The following PCDH11X variants were observed in gnomAD, a reference collection of about 807,000 sequenced individuals.
PCDH11X encodes protocadherin 11 X-linked.
In PCDH11X, 18 loss-of-function variants were observed where a neutral mutation model predicts 53.3. That is an observed-to-expected ratio of 0.34 (90% CI 0.23 to 0.50). The LOEUF (loss-of-function observed/expected upper bound fraction) is 0.50, where lower values mean the gene tolerates loss of function less well. Among genes scored for constraint, PCDH11X ranks in the 20% least tolerant of loss-of-function variants. The probability of loss-of-function intolerance (pLI) is 0.98; values close to 1 mark genes in which losing one functional copy is unlikely to be tolerated. For missense variants in PCDH11X, 570 were observed against 1,032.4 expected, an observed-to-expected ratio of 0.55 and a Z score of 6.14; for synonymous variants, 279 against 393.3, an observed-to-expected ratio of 0.71 and a Z score of 3.44.
chrX:91,788,223 G>T (rs1935398511), intron 1 of PCDH11X, among the ~76,000 whole-genome samples: 1 of 111,218 alleles, frequency 9.0e-6, no homozygotes, highest in Admixed American at 9.5e-5. Flanking sequence ...AAACTTGTTT[G>T]TTTTTTGTTG....
chrX:92,004,363 A>C, intron 6 of PCDH11X, among the ~76,000 whole-genome samples: 1 of 111,121 alleles, frequency 9.0e-6, no homozygotes, highest in African/African-American at 3.3e-5. Flanking sequence ...TATAGTCGTT[A>C]GATGAAATGT....
At chrX:92,565,973 C>T (rs1921424955) in intron 10 of PCDH11X, among the ~76,000 whole-genome samples, 1 of 108,383 alleles carries the variant, frequency 9.2e-6, no homozygotes, top group Admixed American at 9.9e-5. Flanking sequence ...TTCATATTAA[C>T]CAAGGGTGGA....
intron 6 of PCDH11X, among the ~76,000 whole-genome samples, chrX:92,160,772 C>T (rs1400998490): frequency 2.8e-5 from 3 of 108,780 alleles, no homozygotes; most frequent in Non-Finnish European, 5.7e-5. Context: ...AATAGTTGTA[C>T]TAGTTTACAT....
intron 8 of PCDH11X, among the ~76,000 whole-genome samples, chrX:92,268,482 G>C (rs746231687): frequency 9.1e-6 from 1 of 110,457 alleles, no homozygotes; most frequent in African/African-American, 3.3e-5. Context: ...TAGTAGAGAC[G>C]GGGTTTCACC....
At chrX:92,430,034 T>G (rs1442886569) in intron 9 of PCDH11X, among the ~76,000 whole-genome samples, 1 of 108,444 alleles carries the variant, frequency 9.2e-6, no homozygotes, top group Non-Finnish European at 1.9e-5. Context: ...GGGTTAAAAT[T>G]AATAAACTTG....
intron 6 of PCDH11X, among the ~76,000 whole-genome samples, chrX:92,200,566 A>G (rs894383532): frequency 8.9e-6 from 1 of 112,641 alleles, no homozygotes; most frequent in Non-Finnish European, 1.9e-5. Flanking sequence ...GCTTCCTTAC[A>G]TAAGTAACAA....
intron 6 of PCDH11X, among the ~76,000 whole-genome samples, chrX:92,122,806 G>A (rs1486741613): frequency 1.8e-5 from 2 of 110,183 alleles, no homozygotes; most frequent in African/African-American, 3.3e-5. Flanking sequence ...GAATGGTGGC[G>A]GGCACCTGTA....
chrX:91,821,900 T>C (rs1375410525), intron 4 of PCDH11X, among the ~76,000 whole-genome samples: 1 of 98,543 alleles, frequency 1.0e-5, no homozygotes, highest in Non-Finnish European at 1.9e-5. Context: ...TTGAATTTTG[T>C]CAAAGGCCTT....
chrX:91,949,226 G>T (rs1174892955), intron 6 of PCDH11X, among the ~76,000 whole-genome samples: 1 of 109,125 alleles, frequency 9.2e-6, no homozygotes, highest in Non-Finnish European at 1.9e-5. Context: ...TTATCTCAAG[G>T]AAGATTCTGA....
chrX:92,201,067 A>C (rs1390662441), intron 6 of PCDH11X, among the ~76,000 whole-genome samples: 2 of 110,873 alleles, frequency 1.8e-5, no homozygotes, highest in African/African-American at 6.6e-5. Flanking sequence ...CATCATTTAA[A>C]TAGTCCTCCA....
chrX:92,047,904 A>C (rs1428459486), intron 6 of PCDH11X, among the ~76,000 whole-genome samples: 1 of 111,277 alleles, frequency 9.0e-6, no homozygotes, highest in Non-Finnish European at 1.9e-5. Flanking sequence ...TGGATTACCC[A>C]TTCCTTTTAT....
intron 5 of PCDH11X, among the ~76,000 whole-genome samples, chrX:91,868,846 T>C (rs1469864537): frequency 5.4e-5 from 6 of 111,619 alleles, no homozygotes; most frequent in African/African-American, 1.3e-4. Flanking sequence ...AAAACAATAG[T>C]TCAGATAAAG....
intron 6 of PCDH11X, among the ~76,000 whole-genome samples, chrX:92,050,268 C>T (rs1414531780): frequency 3.8e-5 from 4 of 104,319 alleles, no homozygotes; most frequent in African/African-American, 1.5e-4. Context: ...GGCATTCATA[C>T]TTCAAGAAAA....
intron 1 of PCDH11X, among the ~76,000 whole-genome samples, chrX:91,798,854 G>A (rs1422528222): frequency 2.7e-5 from 3 of 110,616 alleles, no homozygotes; most frequent in Non-Finnish European, 3.8e-5. Flanking sequence ...ACATAGCAGT[G>A]AGGTTGTAAG....
chrX:92,416,757 A>G (rs1219665807), intron 9 of PCDH11X, among the ~76,000 whole-genome samples: 1 of 105,414 alleles, frequency 9.5e-6, no homozygotes, highest in Non-Finnish European at 1.9e-5. Context: ...ATAAAAATAA[A>G]GAATAAAAAA....
rs901678184 is a variant in PCDH11X at position 91,838,535 on chromosome X, G to T, written c.540+2491G>T. ...ACTTTAACTGAATGCACTTTGACTC[G>T]CAAAAAGGCCCTGTCATGAAAGTGG... On this transcript the variant is annotated intron_variant, in intron 5 of 10. Transcript: ENST00000682573. 3.6e-5 allele frequency among the ~76,000 whole-genome samples: 4 copies of T among 110,992 alleles called. No individual in the cohort carries two copies. The Admixed American group carries it at 3.9e-4, about 11-fold the overall frequency.
intron 6 of PCDH11X, among the ~76,000 whole-genome samples, chrX:92,080,739 A>C (rs1001455005): frequency 1.6e-4 from 18 of 110,855 alleles, no homozygotes; most frequent in African/African-American, 5.6e-4. Context: ...CATCATAAAG[A>C]AATGAAGACC....
chrX:92,584,115 T>C (rs1415102923), intron 10 of PCDH11X, among the ~76,000 whole-genome samples: 2 of 110,909 alleles, frequency 1.8e-5, no homozygotes, highest in Non-Finnish European at 3.8e-5. Context: ...ATTTATGGGA[T>C]GCAACTAACT....
intron 8 of PCDH11X, among the ~76,000 whole-genome samples, chrX:92,365,646 G>A (rs1603289856): frequency 8.9e-6 from 1 of 111,800 alleles, no homozygotes; most frequent in African/African-American, 3.3e-5. Context: ...TTATTATTTT[G>A]AGATATGTTC....
Sources: allele counts gnomAD v4.1 joint callset (sites outside exome capture counted in the v4.1 genomes callset), GRCh38; gene constraint gnomAD v4.1.1; transcripts MANE v1.5; gene names NCBI Gene and HGNC (gene_info 2026-07-23, HGNC 2026-07-21).